The following IQSEC2 variants were observed in gnomAD, a reference collection of about 807,000 sequenced individuals.
IQSEC2 encodes the protein IQ motif and Sec7 domain ArfGEF 2.
Under a neutral mutation model 74.6 loss-of-function variants are expected in IQSEC2, and 6 were observed. The ratio of observed to expected loss-of-function variants is 0.08; its 90% CI spans 0.04 to 0.16. The LOEUF is 0.16. Among genes scored for constraint, IQSEC2 ranks in the 10% least tolerant of loss-of-function variants. The pLI, the probability that IQSEC2 is intolerant of heterozygous loss-of-function variation, is 1.00. For synonymous variants in IQSEC2, 494 were observed against 544.5 expected, an observed-to-expected ratio of 0.91 and a Z score of 1.29; for missense variants, 734 against 1,306.2, an observed-to-expected ratio of 0.56 and a Z score of 6.75.
At chrX:53,303,269 C>T (rs983338469) in intron 1 of IQSEC2, among the ~76,000 whole-genome samples, 3 of 110,983 alleles carry the variant, frequency 2.7e-5, no homozygotes, top group African/African-American at 9.8e-5. Flanking sequence ...ATAAAGAAGC[C>T]TGACATGCTT....
At chrX:53,235,742 G>A (rs2074116911) in intron 14 of IQSEC2, 41 bp downstream of exon 14, 4 of 1,153,377 alleles carry the variant, frequency 3.5e-6, no homozygotes, top group Non-Finnish European at 4.7e-6. Context: ...GCCGGGGCAG[G>A]GCTCATGCAG....
At chrX:53,239,783 A>C (rs2074190596) in intron 10 of IQSEC2, among the ~76,000 whole-genome samples, 1 of 111,521 alleles carries the variant, frequency 9.0e-6, no homozygotes, top group Admixed American at 9.5e-5. Flanking sequence ...GAGAGTTAAT[A>C]AGTCTTCCTC....
intron 2 of IQSEC2, among the ~76,000 whole-genome samples, chrX:53,276,769 C>G (rs2074840600): frequency 8.9e-6 from 1 of 112,142 alleles, no homozygotes; most frequent in African/African-American, 3.2e-5. Flanking sequence ...ACAAACTACC[C>G]CAATACAGCA....
chrX:53,248,111 C>A lies in IQSEC2; in HGVS notation c.2582+3G>T, dbSNP rs782493529. ...CAGCTTCGCGAGTGGGAGGTAGGCA[C>A]ACCTGAAGGCTTCGATGAGTCGCTC... On this transcript the variant is annotated splice_donor_region_variant and intron_variant, in intron 7 of 14. Coordinates refer to ENST00000642864, the MANE Select transcript of IQSEC2 (RefSeq NM_001111125.3). 6 of 1,211,421 alleles carry A rather than the reference C, an allele frequency of 5.0e-6. No individual in the cohort carries two copies. The highest frequency in any genetic ancestry group is 6.7e-6 in the Non-Finnish European group (6 of 895,317).
At chrX:53,311,097 G>A (rs1255034434) in intron 1 of IQSEC2, among the ~76,000 whole-genome samples, 1 of 54,129 alleles carries the variant, frequency 1.8e-5, no homozygotes, top group East Asian at 8.4e-4. Flanking sequence ...TCCAGCCTGG[G>A]TGACAGAACG....
intron 1 of IQSEC2, among the ~76,000 whole-genome samples, chrX:53,314,619 G>A (rs2075350996): frequency 8.9e-6 from 1 of 111,850 alleles, no homozygotes; most frequent in Admixed American, 9.5e-5. Context: ...CAGAAGGCCT[G>A]AGTGGGCTAA....
intron 1 of IQSEC2, 73 bp from the exon 2 acceptor site, chrX:53,291,997 T>A: frequency 1.0e-6 from 1 of 965,151 alleles, no homozygotes; most frequent in Non-Finnish European, 1.4e-6. Context: ...CTAGGTAGAG[T>A]GGCTTTGGGG....
At chrX:53,293,609 C>T (rs1343421022) in intron 1 of IQSEC2, among the ~76,000 whole-genome samples, 2 of 111,725 alleles carry the variant, frequency 1.8e-5, no homozygotes, top group Non-Finnish European at 3.8e-5. Context: ...AGCCTCTCAG[C>T]CTCTCTCCCT....
Position 53,320,735 on chromosome X carries a change from T to A in IQSEC2, c.389A>T (p.Tyr130Phe), listed in dbSNP as rs1457115939. ...GGAGGCGTCCCGCTCCTTGTCCCGATACACAGCCTCCCGATTCTGGTAGGC... is the reference window on the plus strand; with the variant it reads ...GGAGGCGTCCCGCTCCTTGTCCCGAAACACAGCCTCCCGATTCTGGTAGGC... The part of the protein sequence containing the change: ...EGAYQNREAV[Y>F]RDKERDASYP... The change falls in exon 1 of 15, where the codon TAT becomes TTT. Residue 130 changes from tyrosine to phenylalanine, a missense_variant. Coordinates refer to ENST00000642864, the MANE Select transcript of IQSEC2 (RefSeq NM_001111125.3). The A allele has an allele frequency of 8.6e-7, 1 of 1,167,501 alleles. No individual in the cohort carries two copies. The highest frequency in any genetic ancestry group is 3.3e-5 in the East Asian group (1 of 30,743).
intron 3 of IQSEC2, among the ~76,000 whole-genome samples, chrX:53,255,270 GGA>G (rs782674238): frequency 5.0e-4 from 56 of 111,036 alleles, no homozygotes; most frequent in African/African-American, 1.6e-3. Flanking sequence ...GAAAGGAGAA[GGA>G]GAGAGGGAGA....
chrX:53,233,660 A>G lies in IQSEC2; in HGVS notation c.*559T>C, dbSNP rs782730100. On this transcript the variant is annotated 3_prime_UTR_variant, in exon 15 of 15. Coordinates refer to ENST00000642864, the MANE Select transcript of IQSEC2 (RefSeq NM_001111125.3). ...AGGGTCCCACCCACCAAGTGCATCA[A>G]TGGTCCGTGTCCTCCAGCAGGCAAA... 1.8e-5 allele frequency: 5 copies of G among 273,280 alleles called. No homozygotes were observed. The highest frequency in any genetic ancestry group is 3.2e-5 in the Non-Finnish European group (5 of 155,543). The allele number at this position is 273,280 out of a possible 1,213,427, so 22.5% of individuals were successfully genotyped here.
chrX:53,278,330 CT>C (rs782350793), intron 2 of IQSEC2, among the ~76,000 whole-genome samples: 280 of 110,651 alleles, frequency 2.5e-3, no homozygotes, highest in African/African-American at 8.6e-3. Flanking sequence ...CTTATAATAA[CT>C]TTTTTTTCAT....
At position 53,301,256 on chromosome X, in the gene IQSEC2, A is replaced by G. The variant is rs782462890; in HGVS notation, c.708-9332T>C. On this transcript the variant is annotated intron_variant, in intron 1 of 14. Transcript: ENST00000642864. ...ATTCTTCACCGGCCACAGCCTCTGA[A>G]GGCCCAGGCCCACAGAACACCCCCT... Among the ~76,000 whole-genome samples, 15 of 112,030 alleles carry G rather than the reference A, an allele frequency of 1.3e-4. No homozygotes were observed. The East Asian group carries it at 3.9e-3, about 29-fold the overall frequency.
intron 2 of IQSEC2, chrX:53,266,301 G>A: frequency 3.0e-6 from 2 of 677,466 alleles, no homozygotes; most frequent in Non-Finnish European, 3.5e-6. Flanking sequence ...GGAAGTGGGG[G>A]TGGGTGGAAT....
chrX:53,302,987 C>A (rs1425401396), intron 1 of IQSEC2, among the ~76,000 whole-genome samples: 1 of 111,153 alleles, frequency 9.0e-6, no homozygotes, highest in Non-Finnish European at 1.9e-5. Context: ...AAGACTGCCT[C>A]AGCCCAAGAG....
In IQSEC2 at chrX:53,248,857, G is replaced by A. The variant is rs1569300762; in HGVS notation, c.2323C>T (p.Leu775=). 11 of 1,210,914 alleles carry A rather than the reference G, an allele frequency of 9.1e-6. No individual in the cohort carries two copies. Among genetic ancestry groups the A allele is most frequent in the Non-Finnish European group, 1.2e-5 (11 of 895,055 alleles). Residue 775 remains leucine, a synonymous_variant, in exon 6 of 15, where the codon CTG becomes TTG. Transcript: ENST00000642864. The part of the protein sequence containing the change: ...NKKPEKGIQY[L]IERGFLSDTP... The stretch of plus-strand genomic sequence containing the variant: ...TCTGACAGGAAGCCCCGCTCGATCA[G>A]ATACTGGATACCCTTCTCTGGCTTC...
chrX:53,314,207 T>C (rs781966672), intron 1 of IQSEC2, among the ~76,000 whole-genome samples: 1 of 111,985 alleles, frequency 8.9e-6, no homozygotes, highest in African/African-American at 3.3e-5. Context: ...AAAAATTAGG[T>C]ACCTTTGGCT....
chrX:53,226,705 CT>C (rs1362531985), downstream of IQSEC2: 3 of 112,024 alleles, frequency 2.7e-5, no homozygotes, highest in African/African-American at 9.8e-5. Context: ...GACATCCTGG[CT>C]GAGGGAACAG....
At chrX:53,280,348 A>T (rs1013955150) in intron 2 of IQSEC2, among the ~76,000 whole-genome samples, 5 of 111,215 alleles carry the variant, frequency 4.5e-5, no homozygotes, top group African/African-American at 1.6e-4. Flanking sequence ...CTGAAGGAAG[A>T]GAGGGAGAGA....
Sources: allele counts gnomAD v4.1 joint callset (sites outside exome capture counted in the v4.1 genomes callset), GRCh38; gene constraint gnomAD v4.1.1; transcripts MANE v1.5; gene names NCBI Gene and HGNC (gene_info 2026-07-23, HGNC 2026-07-21).